Variants in CUL1 observed in about 807,000 individuals in gnomAD.
CUL1 encodes the protein cullin 1.
Under a neutral mutation model 118.0 loss-of-function variants are expected in CUL1, and 24 were observed. That is an observed-to-expected ratio of 0.20 (90% CI 0.15 to 0.29). The LOEUF is 0.29. Among genes scored for constraint, CUL1 ranks in the 10% least tolerant of loss-of-function variants. The probability of loss-of-function intolerance (pLI) is 1.00; values close to 1 mark genes in which losing one functional copy is unlikely to be tolerated. For missense variants in CUL1, 361 were observed against 933.8 expected, an observed-to-expected ratio of 0.39 and a Z score of 7.99; for synonymous variants, 332 against 340.4, an observed-to-expected ratio of 0.98 and a Z score of 0.27.
chr7:148,786,703 T>C (rs770772331), intron 12 of CUL1, 104 bp downstream of exon 12: 20 of 997,218 alleles, frequency 2.0e-5, no homozygotes, highest in Non-Finnish European at 2.6e-5. Context: ...GTAATAATCA[T>C]TGATTTTATT....
At chr7:148,736,492 G>A (rs1020307247) in intron 2 of CUL1, among the ~76,000 whole-genome samples, 5 of 151,880 alleles carry the variant, frequency 3.3e-5, no homozygotes, top group African/African-American at 1.2e-4. Context: ...TTGCAGACAT[G>A]GAGTCTTGCT....
intron 1 of CUL1, among the ~76,000 whole-genome samples, chr7:148,718,186 T>C (rs577576055): frequency 5.3e-5 from 8 of 152,376 alleles, no homozygotes; most frequent in African/African-American, 1.7e-4. Context: ...GCTAGCATGC[T>C]TTAAGTCTGT....
chr7:148,797,412 AAT>A (rs60463539), intron 17 of CUL1, among the ~76,000 whole-genome samples: 1 of 151,474 alleles, frequency 6.6e-6, no homozygotes, highest in Non-Finnish European at 1.5e-5. Context: ...AAAAAAAAAA[AAT>A]GCTCATGGCG....
rs932710085 is a variant in CUL1 at position 148,753,531 on chromosome 7, A to G, written c.141-445A>G. Among the ~76,000 whole-genome samples, 4 of 152,356 alleles carry G rather than the reference A, an allele frequency of 2.6e-5. No individual in the cohort carries two copies. In the South Asian group the frequency reaches 6.2e-4, roughly 24 times the overall value. On this transcript the variant is annotated intron_variant, in intron 2 of 21. Transcript: ENST00000325222. ...TTGGCTCTCTGAGTCATTTTAAAATAAAGTTTGTGTTATTTCAATATTTAG... is the reference window on the plus strand; with the variant it reads ...TTGGCTCTCTGAGTCATTTTAAAATGAAGTTTGTGTTATTTCAATATTTAG...
intron 4 of CUL1, 61 bp downstream of exon 4, chr7:148,757,211 A>G (rs1799685560): frequency 1.7e-6 from 2 of 1,154,274 alleles, no homozygotes; most frequent in African/African-American, 1.6e-5. Context: ...TTTAATGGCA[A>G]ATTGTCTTTC....
chr7:148,759,507 T>C (rs781278054), intron 5 of CUL1, 41 bp from the exon 6 acceptor site: 9 of 1,393,240 alleles, frequency 6.5e-6, no homozygotes, highest in Non-Finnish European at 8.1e-6. Context: ...ATATATCATA[T>C]TCTATAACCT....
intron 9 of CUL1, among the ~76,000 whole-genome samples, chr7:148,771,918 G>A (rs964333799): frequency 7.2e-5 from 11 of 152,202 alleles, no homozygotes; most frequent in Admixed American, 6.5e-4. Flanking sequence ...CCTTCACGTG[G>A]TCATTTTAAA....
intron 2 of CUL1, among the ~76,000 whole-genome samples, chr7:148,743,039 A>T (rs527392698): frequency 6.6e-6 from 1 of 152,380 alleles, no homozygotes; most frequent in South Asian, 2.1e-4. Context: ...CCTTTGAATT[A>T]TATAGGAAGA....
chr7:148,748,620 AT>A (rs773771021), intron 2 of CUL1, among the ~76,000 whole-genome samples: 2 of 152,214 alleles, frequency 1.3e-5, no homozygotes, highest in African/African-American at 2.4e-5. Flanking sequence ...ATCAGAAACA[AT>A]ATAGAAGATC....
chr7:148,746,064 A>G (rs7790651), intron 2 of CUL1, among the ~76,000 whole-genome samples: 8,413 of 151,878 alleles, frequency 0.055, 811 homozygotes, highest in African/African-American at 0.19. Flanking sequence ...GTGCCTTTCA[A>G]TCTGTTTTGT....
chr7:148,789,820 G>T lies in CUL1; in HGVS notation c.1668G>T (p.Pro556=), dbSNP rs139584084. ...PFQQSCTFAL[P]SELERSYQRF... ...AGCAGTCTTGTACATTTGCCTTGCC[G>T]TCAGAGGTAAGGATGGGTTTGTCTG... is the stretch of plus-strand genomic sequence containing the variant. The change falls in exon 15 of 22, where the codon CCG becomes CCT. Residue 556 remains proline (P), a synonymous_variant. Coordinates refer to ENST00000325222, the MANE Select transcript of CUL1 (RefSeq NM_003592.3). The T allele has an allele frequency of 1.3e-4, 207 of 1,614,016 alleles. No individual in the cohort carries two copies. In the African/African-American group the frequency reaches 2.5e-3, roughly 20 times the overall value.
chr7:148,701,479 T>C (rs1207269562), intron 1 of CUL1, among the ~76,000 whole-genome samples: 3 of 152,190 alleles, frequency 2.0e-5, no homozygotes, highest in African/African-American at 7.2e-5. Context: ...CCCTTAAAAC[T>C]AGTTTTAAGG....
intron 1 of CUL1, among the ~76,000 whole-genome samples, chr7:148,707,569 T>A (rs1797925356): frequency 6.6e-6 from 1 of 152,098 alleles, no homozygotes; most frequent in Non-Finnish European, 1.5e-5. Context: ...CCATGGTGGT[T>A]TGCTGCACCG....
At chr7:148,745,928 C>T (rs926541649) in intron 2 of CUL1, among the ~76,000 whole-genome samples, 1 of 152,176 alleles carries the variant, frequency 6.6e-6, no homozygotes, top group Non-Finnish European at 1.5e-5. Flanking sequence ...TAACCACTAT[C>T]ATCTAATGCT....
intron 19 of CUL1, among the ~76,000 whole-genome samples, chr7:148,798,279 G>A (rs1035147727): frequency 2.6e-5 from 4 of 152,118 alleles, no homozygotes; most frequent in Admixed American, 6.5e-5. Flanking sequence ...TTGGACCTTT[G>A]TGTCCAAGTG....
chr7:148,707,025 G>A (rs189199628), intron 1 of CUL1, among the ~76,000 whole-genome samples: 1 of 152,170 alleles, frequency 6.6e-6, no homozygotes, highest in Admixed American at 6.5e-5. Context: ...TATAGGGTAT[G>A]TATATATGTA....
intron 1 of CUL1, among the ~76,000 whole-genome samples, chr7:148,715,228 G>C (rs1196683167): frequency 6.6e-6 from 1 of 152,200 alleles, no homozygotes; most frequent in Non-Finnish European, 1.5e-5. Flanking sequence ...TCTTGTGACA[G>C]CAATGTTGGG....
At chr7:148,768,201 C>A (rs1800069251) in intron 9 of CUL1, among the ~76,000 whole-genome samples, 1 of 152,074 alleles carries the variant, frequency 6.6e-6, no homozygotes, top group South Asian at 2.1e-4. Context: ...CCCTCCGCTT[C>A]CCCAGGGCTA....
At chr7:148,782,847 C>A (rs78774112) in intron 9 of CUL1, among the ~76,000 whole-genome samples, 1 of 19,934 alleles carries the variant, frequency 5.0e-5, no homozygotes, top group African/African-American at 2.6e-4. Context: ...GGGCGTGCCG[C>A]GGCGCCTGGA....
Sources: allele counts gnomAD v4.1 joint callset (sites outside exome capture counted in the v4.1 genomes callset), GRCh38; gene constraint gnomAD v4.1.1; transcripts MANE v1.5; gene names NCBI Gene and HGNC (gene_info 2026-07-23, HGNC 2026-07-21).